The following GPR26 variants were observed in gnomAD, a reference collection of about 807,000 sequenced individuals.
GPR26 encodes G protein-coupled receptor 26.
GPR26 carries 15 observed loss-of-function variants against 23.1 expected under a neutral mutation model. That is an observed-to-expected ratio of 0.65 (90% CI 0.43 to 1.00). The LOEUF (loss-of-function observed/expected upper bound fraction) is 1.00. GPR26 is among the 50% of genes least tolerant of loss of function. The probability of loss-of-function intolerance (pLI) is 0.00; values close to 1 mark genes in which losing one functional copy is unlikely to be tolerated. For synonymous variants in GPR26, 228 were observed against 222.1 expected (o/e 1.03, Z -0.24); for missense variants, 359 against 470.5 (o/e 0.76, Z 2.19).
intron 1 of GPR26, among the ~76,000 whole-genome samples, chr10:123,673,989 C>T: frequency 6.6e-6 from 1 of 151,534 alleles, no homozygotes; most frequent in East Asian, 1.9e-4. Flanking sequence ...CAAAGTTTCG[C>T]TTTTCTTGCC....
Position 123,674,876 on chromosome 10 carries a change from A to C in GPR26, c.727A>C (p.Ile243Leu). The C allele has an allele frequency of 6.2e-7, 1 of 1,613,776 alleles. No homozygotes were observed. The highest frequency in any genetic ancestry group is 8.5e-7 in the Non-Finnish European group (1 of 1,179,918). ...KRRRQRATKKISTFIGTFLVC... is the reference protein window; with the variant it reads ...KRRRQRATKKLSTFIGTFLVC... The stretch of plus-strand genomic sequence containing the variant: ...GAGGCGACAGCGAGCCACCAAGAAG[A>C]TCAGCACCTTCATAGGGACCTTCCT... The change falls in exon 2 of 3, where the codon ATC becomes CTC. Residue 243 changes from isoleucine (I) to leucine (L), a missense_variant. By Grantham distance (5) the Ile-to-Leu change is conservative. Coordinates refer to ENST00000284674, the MANE Select transcript of GPR26 (RefSeq NM_153442.4). The surrounding 1 kb of genome is among the most constrained non-coding windows in gnomAD (Gnocchi z 4.1).
chr10:123,680,330 CCA>C (rs1186085751), intron 2 of GPR26, among the ~76,000 whole-genome samples: 1 of 152,246 alleles, frequency 6.6e-6, no homozygotes, highest in African/African-American at 2.4e-5. Flanking sequence ...CCACAGCACT[CCA>C]CAGTTTGCTC....
At position 123,667,761 on chromosome 10, in the gene GPR26, G is replaced by A. The variant is rs372777467; in HGVS notation, c.668+686G>A. The stretch of plus-strand genomic sequence containing the variant: ...AGTGTGCCCCAAGGCTCCTGGGGCT[G>A]AATCTGCCCCCACCTCCGTCGTCAC... On this transcript the variant is annotated intron_variant, in intron 1 of 2. Transcript: ENST00000284674. Among the ~76,000 whole-genome samples, 867 of 152,238 alleles carry A rather than the reference G, an allele frequency of 5.7e-3. 6 individuals are homozygous for A. The highest frequency in any genetic ancestry group is 0.017 in the South Asian group (84 of 4,818).
At position 123,690,429 on chromosome 10, in the gene GPR26, C is replaced by G. The variant is rs1308572938; in HGVS notation, c.*2269C>G. ...CTGTGGCACATGCTCTTTCTGCTTT[C>G]TCTGTACTGTATAGGCAACATGTTG... On this transcript the variant is annotated 3_prime_UTR_variant, in exon 3 of 3. Coordinates refer to ENST00000284674, the MANE Select transcript of GPR26 (RefSeq NM_153442.4). 6.6e-6 allele frequency: 1 copy of G among 152,214 alleles called. No homozygotes were observed. Among genetic ancestry groups the G allele is most frequent in the Non-Finnish European group, 1.5e-5 (1 of 68,050 alleles). 9.4% of individuals were successfully genotyped at this position (152,214 alleles called of 1,614,324 possible).
At chr10:123,682,532 A>C (rs1025162776) in intron 2 of GPR26, among the ~76,000 whole-genome samples, 1 of 152,374 alleles carries the variant, frequency 6.6e-6, no homozygotes, top group African/African-American at 2.4e-5. Context: ...GTCTTTGAGC[A>C]GCAGGGCCTG....
intron 2 of GPR26, among the ~76,000 whole-genome samples, chr10:123,675,829 T>C (rs1384090438): frequency 1.6e-5 from 2 of 123,966 alleles, no homozygotes; most frequent in Admixed American, 8.8e-5. Flanking sequence ...CGTGTGTGTG[T>C]GTACGTGTGT....
rs1031644640 is a variant in GPR26, at chr10:123,688,983, G to A, written c.*823G>A. 2.0e-5 allele frequency: 3 copies of A among 152,220 alleles called. No individual in the cohort carries two copies. The highest frequency in any genetic ancestry group is 7.2e-5 in the African/African-American group (3 of 41,462). 9.4% of individuals were successfully genotyped at this position (152,220 alleles called of 1,614,324 possible). A position where few individuals can be genotyped will look rare whatever the true frequency, so the allele number is the denominator to read the frequency against. Reference sequence around the variant, plus strand: ...TGTTGGAGCTCAGTAAAGGTAGGAGGAAGGTGGCTGGTTGGTCCTCCCTTC... The same window carrying A: ...TGTTGGAGCTCAGTAAAGGTAGGAGAAAGGTGGCTGGTTGGTCCTCCCTTC... On this transcript the variant is annotated 3_prime_UTR_variant, in exon 3 of 3. Coordinates refer to ENST00000284674, the MANE Select transcript of GPR26 (RefSeq NM_153442.4).
At chr10:123,684,720 C>T (rs1025305693) in intron 2 of GPR26, among the ~76,000 whole-genome samples, 2 of 152,204 alleles carry the variant, frequency 1.3e-5, no homozygotes, top group African/African-American at 4.8e-5. Flanking sequence ...AAGTTTCTGC[C>T]TTTATGAGAA....
rs145890496 is a variant in GPR26, at chr10:123,688,817, C to G, written c.*657C>G. Reference sequence around the variant, plus strand: ...TGGTCAATTGGATTCAACTTTAGTCCTCTCCTTCCCCCTAAAAGCGAATGT... The same window carrying G: ...TGGTCAATTGGATTCAACTTTAGTCGTCTCCTTCCCCCTAAAAGCGAATGT... On this transcript the variant is annotated 3_prime_UTR_variant, in exon 3 of 3. Transcript: ENST00000284674. 1,512 of 153,560 alleles carry G rather than the reference C, an allele frequency of 9.8e-3. 19 individuals carry two copies. Among genetic ancestry groups the G allele is most frequent in the Middle Eastern group, 0.031 (9 of 294 alleles). The allele number at this position is 153,560 out of a possible 1,614,324, so 9.5% of individuals were successfully genotyped here. A position where few individuals can be genotyped will look rare whatever the true frequency, so the allele number is the denominator to read the frequency against.
chr10:123,682,849 G>C (rs573770660), intron 2 of GPR26, among the ~76,000 whole-genome samples: 2 of 152,290 alleles, frequency 1.3e-5, no homozygotes, highest in African/African-American at 4.8e-5. Flanking sequence ...AAAATTTAAA[G>C]CATCAGCTCA....
At position 123,696,170 on chromosome 10, in the gene GPR26, A is replaced by T. The variant is rs1327751493; in HGVS notation, c.*8010A>T. 6.6e-6 allele frequency among the ~76,000 whole-genome samples: 1 copy of T among 152,272 alleles called. No homozygotes were observed. The highest frequency in any genetic ancestry group is 6.5e-5 in the Admixed American group (1 of 15,300). Reference sequence around the variant, plus strand: ...TGCCATAGTATGTCGTGTGTAGTGGATGCCAGTAGACAACTTTAGCCACTC... The same window carrying T: ...TGCCATAGTATGTCGTGTGTAGTGGTTGCCAGTAGACAACTTTAGCCACTC... On this transcript the variant is annotated 3_prime_UTR_variant, in exon 3 of 3. Transcript: ENST00000284674.
chr10:123,666,904 G>GC lies in GPR26; in HGVS notation c.499dup (p.Leu167ProfsTer171). Reference sequence around the variant, plus strand: ...CTGTGCAGCCGGCGGCCAGACGAGCGCCTGCGCTTCGCCGTCTTCACTGGC... The same window carrying GC: ...CTGTGCAGCCGGCGGCCAGACGAGCGCCCTGCGCTTCGCCGTCTTCACTGGC... On this transcript the variant is annotated frameshift_variant, in exon 1 of 3. Coordinates refer to ENST00000284674, the MANE Select transcript of GPR26 (RefSeq NM_153442.4). LOFTEE classifies it high-confidence loss of function. 1 of 1,612,770 alleles carries GC rather than the reference G, an allele frequency of 6.2e-7. No individual in the cohort carries two copies. Among genetic ancestry groups the GC allele is most frequent in the Non-Finnish European group, 8.5e-7 (1 of 1,179,718 alleles).
Position 123,694,126 on chromosome 10 carries a change from G to T in GPR26, c.*5966G>T, listed in dbSNP as rs1049538049. On this transcript the variant is annotated 3_prime_UTR_variant, in exon 3 of 3. Transcript: ENST00000284674. Reference sequence around the variant, plus strand: ...ATTACTCTGCAGTGTGGGAAGCGGGGCTGCCCTGGAAGTGTGTACTCAGTG... The same window carrying T: ...ATTACTCTGCAGTGTGGGAAGCGGGTCTGCCCTGGAAGTGTGTACTCAGTG... 2.6e-5 allele frequency: 4 copies of T among 152,874 alleles called. No homozygotes were observed. The highest frequency in any genetic ancestry group is 9.6e-5 in the African/African-American group (4 of 41,478). 9.5% of individuals were successfully genotyped at this position (152,874 alleles called of 1,614,324 possible). A position where few individuals can be genotyped will look rare whatever the true frequency, so the allele number is the denominator to read the frequency against.
rs1343758063 is a variant in GPR26, at chr10:123,674,958, G to A, written c.782+27G>A. 6.9e-7 allele frequency: 1 copy of A among 1,451,514 alleles called. No homozygotes were observed. The highest frequency in any genetic ancestry group is 9.7e-7 in the Non-Finnish European group (1 of 1,035,276). 89.9% of individuals were successfully genotyped at this position (1,451,514 alleles called of 1,614,324 possible). On this transcript the variant is annotated intron_variant, in intron 2 of 2. Transcript: ENST00000284674. The surrounding 1 kb of genome is among the most constrained non-coding windows in gnomAD (Gnocchi z 4.1). ...TGAGCCTGATTGGCAGGTGTGTCTT[G>A]GGACTTTGAAGAGTAAGGCAGGGCC...
Position 123,687,970 on chromosome 10 carries a change from G to T in GPR26, c.824G>T (p.Trp275Leu), listed in dbSNP as rs755868746. Residue 275 changes from tryptophan to leucine, a missense_variant, in exon 3 of 3, where the codon TGG becomes TTG. Trp to Leu is a moderately conservative substitution (Grantham distance 61). Coordinates refer to ENST00000284674, the MANE Select transcript of GPR26 (RefSeq NM_153442.4). ...TCCACGGTGCCCATCGGCTCCCACT[G>T]GGGGGTGCTGTCCAAGTGCTTGGCG... is the stretch of plus-strand genomic sequence containing the variant. ...LFSTVPIGSH[W>L]GVLSKCLAYS... is the part of the protein sequence containing the mutation. The T allele has an allele frequency of 6.2e-7, 1 of 1,612,542 alleles. No individual in the cohort carries two copies. Among genetic ancestry groups the T allele is most frequent in the South Asian group, 1.1e-5 (1 of 91,040 alleles).
intron 1 of GPR26, among the ~76,000 whole-genome samples, chr10:123,668,903 C>T (rs762353014): frequency 1.5e-4 from 23 of 152,200 alleles, no homozygotes; most frequent in Non-Finnish European, 2.6e-4. Context: ...GAGGAGGGGC[C>T]GTGGTTCCTG....
At chr10:123,681,006 T>C (rs1024997172) in intron 2 of GPR26, among the ~76,000 whole-genome samples, 1 of 151,888 alleles carries the variant, frequency 6.6e-6, no homozygotes, top group Admixed American at 6.6e-5. Context: ...GGCTGGGTGA[T>C]TCTGATATTT....
chr10:123,683,855 A>G (rs1845404311), intron 2 of GPR26, among the ~76,000 whole-genome samples: 1 of 152,122 alleles, frequency 6.6e-6, no homozygotes, highest in South Asian at 2.1e-4. Flanking sequence ...AGTCAGAAAA[A>G]TACACATCTC....
intron 2 of GPR26, among the ~76,000 whole-genome samples, chr10:123,685,608 C>T (rs1200599812): frequency 6.6e-6 from 1 of 152,230 alleles, no homozygotes; most frequent in Non-Finnish European, 1.5e-5. Flanking sequence ...CTTTTCAAAG[C>T]AGAAATTGTC....
Sources: allele counts gnomAD v4.1 joint callset (sites outside exome capture counted in the v4.1 genomes callset), GRCh38; gene constraint gnomAD v4.1.1; non-coding constraint Gnocchi (gnomAD v3.1); transcripts MANE v1.5; gene names NCBI Gene and HGNC (gene_info 2026-07-23, HGNC 2026-07-21).